The following FGF12 variants were observed in gnomAD, a reference collection of about 807,000 sequenced individuals.
FGF12 encodes fibroblast growth factor 12.
In FGF12, 14 loss-of-function variants were observed where a neutral mutation model predicts 23.6. That is an observed-to-expected ratio of 0.59 (90% CI 0.39 to 0.93). The LOEUF (loss-of-function observed/expected upper bound fraction) is 0.93. Among genes scored for constraint, FGF12 ranks in the 40% least tolerant of loss-of-function variants. The pLI is 0.00. For synonymous variants in FGF12, 62 were observed against 77.3 expected (o/e 0.80, Z 1.04); for missense variants, 175 against 217.8 (o/e 0.80, Z 1.24).
At chr3:192,573,439 C>T (rs1220346621) in intron 2 of FGF12, among the ~76,000 whole-genome samples, 1 of 152,068 alleles carries the variant, frequency 6.6e-6, no homozygotes, top group Non-Finnish European at 1.5e-5. Context: ...GGGCCTCATC[C>T]AATCAGTTGA....
chr3:192,628,693 A>T (rs977832729), intron 2 of FGF12, among the ~76,000 whole-genome samples: 6 of 149,816 alleles, frequency 4.0e-5, no homozygotes, highest in African/African-American at 1.5e-4. Flanking sequence ...ATATACATTT[A>T]TGTATATATA....
At chr3:192,434,092 T>C (rs1450509932) in intron 2 of FGF12, among the ~76,000 whole-genome samples, 1 of 151,916 alleles carries the variant, frequency 6.6e-6, no homozygotes, top group East Asian at 1.9e-4. Context: ...ATAAAGCAAA[T>C]GGCCGAGTGG....
chr3:192,498,719 T>C (rs985842524), intron 2 of FGF12, among the ~76,000 whole-genome samples: 3 of 152,222 alleles, frequency 2.0e-5, no homozygotes, highest in African/African-American at 7.2e-5. Flanking sequence ...CCTTTAATAA[T>C]AGAAGTCAGT....
intron 2 of FGF12, among the ~76,000 whole-genome samples, chr3:192,538,504 G>A (rs543419160): frequency 2.0e-5 from 3 of 152,170 alleles, no homozygotes; most frequent in African/African-American, 7.2e-5. Context: ...CCAGTACCAT[G>A]CTATTTTGGT....
intron 2 of FGF12, among the ~76,000 whole-genome samples, chr3:192,381,667 G>A (rs1204485833): frequency 6.6e-6 from 1 of 152,112 alleles, no homozygotes; most frequent in Admixed American, 6.5e-5. Flanking sequence ...AGAAAAAGAA[G>A]GAATTAGCTA....
At chr3:192,268,872 T>A (rs1335163853) in intron 4 of FGF12, 1 of 158,666 alleles carries the variant, frequency 6.3e-6, no homozygotes, top group Non-Finnish European at 1.4e-5. Flanking sequence ...TATGCAAATG[T>A]TACACATTAC....
intron 4 of FGF12, among the ~76,000 whole-genome samples, chr3:192,196,510 G>T (rs1157533081): frequency 6.6e-6 from 1 of 151,920 alleles, no homozygotes; most frequent in African/African-American, 2.4e-5. Flanking sequence ...TATTAGATAA[G>T]CATATCTGAT....
intron 4 of FGF12, among the ~76,000 whole-genome samples, chr3:192,304,795 C>T (rs560454670): frequency 1.8e-4 from 28 of 152,248 alleles, no homozygotes; most frequent in Admixed American, 1.5e-3. Context: ...AATGCTTATT[C>T]CATACTCAGA....
At chr3:192,687,945 C>T (rs137968227) in intron 2 of FGF12, among the ~76,000 whole-genome samples, 1 of 152,224 alleles carries the variant, frequency 6.6e-6, no homozygotes, top group Non-Finnish European at 1.5e-5. Context: ...CACAAGCTTG[C>T]CACTGACCTT....
At chr3:192,153,888 T>G (rs1488938404) in intron 5 of FGF12, among the ~76,000 whole-genome samples, 1 of 33,114 alleles carries the variant, frequency 3.0e-5, no homozygotes, top group African/African-American at 1.2e-4. Context: ...GAAGTTCTCC[T>G]GGATAATATC....
intron 2 of FGF12, among the ~76,000 whole-genome samples, chr3:192,637,104 C>T (rs1715610866): frequency 1.3e-5 from 2 of 152,278 alleles, no homozygotes; most frequent in South Asian, 2.1e-4. Flanking sequence ...CCTTTTATAG[C>T]GTCTCTCCCT....
chr3:192,683,057 C>G (rs1036887651), intron 2 of FGF12, among the ~76,000 whole-genome samples: 1 of 152,154 alleles, frequency 6.6e-6, no homozygotes, highest in African/African-American at 2.4e-5. Flanking sequence ...TGAATCGTAT[C>G]CCTAATAATA....
At chr3:192,168,146 G>A (rs536540880) in intron 5 of FGF12, among the ~76,000 whole-genome samples, 60 of 151,828 alleles carry the variant, frequency 4.0e-4, no homozygotes, top group African/African-American at 1.4e-3. Flanking sequence ...CACAACACGT[G>A]GATTTCTTTT....
At chr3:192,621,810 G>A (rs965368805) in intron 2 of FGF12, among the ~76,000 whole-genome samples, 7 of 151,536 alleles carry the variant, frequency 4.6e-5, no homozygotes, top group South Asian at 4.2e-4. Flanking sequence ...TTGGCAAGAC[G>A]CTTGGTACTG....
At chr3:192,220,508 T>C (rs1444875314) in intron 4 of FGF12, among the ~76,000 whole-genome samples, 2 of 152,220 alleles carry the variant, frequency 1.3e-5, no homozygotes, top group African/African-American at 4.8e-5. Flanking sequence ...CATTTCCTTC[T>C]GAAGCCTTCC....
chr3:192,191,835 CAAA>C (rs66475128), intron 4 of FGF12, among the ~76,000 whole-genome samples: 4 of 101,516 alleles, frequency 3.9e-5, no homozygotes, highest in Admixed American at 1.1e-4. Context: ...GACTCCGTCT[CAAA>C]AAAAAAAAAA....
chr3:192,688,899 T>G, intron 2 of FGF12, among the ~76,000 whole-genome samples: 1 of 152,294 alleles, frequency 6.6e-6, no homozygotes, highest in Middle Eastern at 3.4e-3. Flanking sequence ...AATGAAATAC[T>G]ATCTAGCCAT....
intron 2 of FGF12, among the ~76,000 whole-genome samples, chr3:192,529,385 T>C (rs1276245443): frequency 1.3e-5 from 2 of 152,210 alleles, no homozygotes; most frequent in African/African-American, 2.4e-5. Context: ...CTGGATTTCA[T>C]TGTCCATATC....
At chr3:192,539,945 T>C (rs1725324101) in intron 2 of FGF12, among the ~76,000 whole-genome samples, 1 of 152,136 alleles carries the variant, frequency 6.6e-6, no homozygotes, top group Non-Finnish European at 1.5e-5. Context: ...TAGAGTTGTT[T>C]ACAGTAGCCT....
Sources: gnomAD v4.1 joint callset for allele counts (sites outside exome capture counted in the v4.1 genomes callset) on GRCh38, gnomAD v4.1.1 for gene constraint, MANE v1.5 for transcripts, NCBI Gene and HGNC (gene_info 2026-07-23, HGNC 2026-07-21) for gene names.